Variants in NTRK3 observed in about 807,000 individuals in gnomAD.
NTRK3 encodes the protein neurotrophic receptor tyrosine kinase 3.
NTRK3 carries 24 observed loss-of-function variants against 91.7 expected under a neutral mutation model. That is an observed-to-expected ratio of 0.26 (90% CI 0.19 to 0.37). The LOEUF (loss-of-function observed/expected upper bound fraction) is 0.37. Among genes scored for constraint, NTRK3 ranks in the 10% least tolerant of loss-of-function variants. The probability of loss-of-function intolerance (pLI) is 1.00; values close to 1 mark genes in which losing one functional copy is unlikely to be tolerated. For missense variants in NTRK3, 880 were observed against 1,068.9 expected (o/e 0.82, Z 2.46); for synonymous variants, 483 against 404.0 (o/e 1.20, Z -2.34).
intron 13 of NTRK3, among the ~76,000 whole-genome samples, chr15:88,056,705 G>A (rs1298032483): frequency 6.6e-6 from 1 of 152,248 alleles, no homozygotes; most frequent in Non-Finnish European, 1.5e-5. Flanking sequence ...TCTGAGGCAA[G>A]ATAGCCTGTC....
At chr15:87,866,088 A>G (rs1188491584) in exon 19 of NTRK3, 3 of 229,134 alleles carry the variant, frequency 1.3e-5, no homozygotes, top group Non-Finnish European at 2.6e-5. Flanking sequence ...TTTAGGGCTC[A>G]AATAACCCTC....
At chr15:88,150,577 T>A (rs935780144) in intron 5 of NTRK3, among the ~76,000 whole-genome samples, 2 of 151,824 alleles carry the variant, frequency 1.3e-5, no homozygotes, top group Admixed American at 1.3e-4. Context: ...TTTGGGTGGA[T>A]GGAATGGCTG....
At chr15:88,096,908 A>G (rs2049667687) in intron 13 of NTRK3, among the ~76,000 whole-genome samples, 1 of 152,250 alleles carries the variant, frequency 6.6e-6, no homozygotes, top group Non-Finnish European at 1.5e-5. Context: ...TTACCTGCAC[A>G]TCAAGTCCTT....
At chr15:88,197,224 G>A (rs16941418) in intron 3 of NTRK3, among the ~76,000 whole-genome samples, 1,835 of 151,284 alleles carry the variant, frequency 0.012, 50 homozygotes, top group African/African-American at 0.042. Flanking sequence ...AAGGCTCTGT[G>A]AGGTCTTTTC....
intron 17 of NTRK3, among the ~76,000 whole-genome samples, chr15:87,904,174 C>T (rs550343983): frequency 1.1e-4 from 16 of 140,442 alleles, no homozygotes; most frequent in South Asian, 2.2e-4. Flanking sequence ...TTTTTTGAGA[C>T]GGAGTCTTGC....
At chr15:88,003,884 G>A (rs958652149) in intron 14 of NTRK3, among the ~76,000 whole-genome samples, 2 of 147,544 alleles carry the variant, frequency 1.4e-5, no homozygotes, top group African/African-American at 5.0e-5. Context: ...TAAGATGGAA[G>A]TCTCCATGGT....
At chr15:87,953,450 T>A (rs1282447648) in intron 14 of NTRK3, among the ~76,000 whole-genome samples, 1 of 152,216 alleles carries the variant, frequency 6.6e-6, no homozygotes, top group East Asian at 1.9e-4. Flanking sequence ...GTTTCAATGA[T>A]GTCAATGTTA....
intron 13 of NTRK3, among the ~76,000 whole-genome samples, chr15:88,084,288 G>A (rs1223742670): frequency 3.9e-5 from 6 of 152,030 alleles, no homozygotes; most frequent in Non-Finnish European, 8.8e-5. Context: ...AGACACAGAT[G>A]CTAAAAGCAG....
intron 17 of NTRK3, among the ~76,000 whole-genome samples, chr15:87,921,083 T>G (rs1475748340): frequency 1.3e-5 from 2 of 152,184 alleles, no homozygotes; most frequent in Non-Finnish European, 2.9e-5. Flanking sequence ...CTACACTATT[T>G]TTGCAACTTT....
chr15:88,022,194 C>T (rs572060103), intron 14 of NTRK3, among the ~76,000 whole-genome samples: 1 of 152,238 alleles, frequency 6.6e-6, no homozygotes, highest in Admixed American at 6.5e-5. Context: ...TTCTTAAGCT[C>T]TCTGGCTTCC....
At chr15:88,093,909 G>A (rs939530687) in intron 13 of NTRK3, among the ~76,000 whole-genome samples, 6 of 152,230 alleles carry the variant, frequency 3.9e-5, no homozygotes, top group East Asian at 3.9e-4. Flanking sequence ...TCAACAGCAC[G>A]AGGTGGTATT....
At chr15:87,901,773 G>C (rs1348185510) in intron 17 of NTRK3, among the ~76,000 whole-genome samples, 1 of 151,052 alleles carries the variant, frequency 6.6e-6, no homozygotes, top group Non-Finnish European at 1.5e-5. Context: ...GAGGGGGGGA[G>C]AGGGGGAGAA....
chr15:88,077,058 C>T (rs1306312990), intron 13 of NTRK3, among the ~76,000 whole-genome samples: 1 of 152,114 alleles, frequency 6.6e-6, no homozygotes, highest in Non-Finnish European at 1.5e-5. Context: ...CATGCCACTG[C>T]ACTCCAGCCA....
intron 4 of NTRK3, 82 bp downstream of exon 4, chr15:88,184,143 C>T: frequency 1.4e-6 from 2 of 1,381,074 alleles, no homozygotes; most frequent in South Asian, 1.2e-5. Flanking sequence ...TTGCTGTGCC[C>T]CTCACGCCAC....
At chr15:88,030,540 T>G (rs2078434492) in intron 14 of NTRK3, among the ~76,000 whole-genome samples, 1 of 152,198 alleles carries the variant, frequency 6.6e-6, no homozygotes, top group Admixed American at 6.5e-5. Flanking sequence ...GATCATATTC[T>G]GCACCAGGAA....
chr15:88,228,379 C>T (rs551202313), intron 3 of NTRK3, among the ~76,000 whole-genome samples: 1 of 152,038 alleles, frequency 6.6e-6, no homozygotes, highest in East Asian at 1.9e-4. Flanking sequence ...CAATCCATGG[C>T]TGGCTGTTAT....
chr15:88,160,373 A>C (rs2044335030), intron 5 of NTRK3, among the ~76,000 whole-genome samples: 1 of 152,148 alleles, frequency 6.6e-6, no homozygotes, highest in South Asian at 2.1e-4. Context: ...ATGAGCTAAG[A>C]AGCAGAGACC....
At position 88,175,562 on chromosome 15, in the gene NTRK3, A is replaced by C. The variant is rs1002965889; in HGVS notation, c.395+7856T>G. Among the ~76,000 whole-genome samples, 12 of 152,216 alleles carry C rather than the reference A, an allele frequency of 7.9e-5. 1 individual carries two copies. Among genetic ancestry groups the C allele is most frequent in the Non-Finnish European group, 1.5e-4 (10 of 68,036 alleles). On this transcript the variant is annotated intron_variant, in intron 5 of 18. Coordinates refer to ENST00000394480, the Ensembl canonical transcript of NTRK3. ...ATCAATTTTAGAATCAAATTGATCC[A>C]TTTTAGAATATCAATTTTAGATGAT...
At chr15:88,190,330 A>T (rs904069619) in intron 3 of NTRK3, among the ~76,000 whole-genome samples, 1 of 152,154 alleles carries the variant, frequency 6.6e-6, no homozygotes, top group East Asian at 1.9e-4. Context: ...CCTAAAATGC[A>T]TTACACACAT....
Sources: allele counts gnomAD v4.1 joint callset (sites outside exome capture counted in the v4.1 genomes callset), GRCh38; gene constraint gnomAD v4.1.1; transcripts MANE v1.5; gene names NCBI Gene and HGNC (gene_info 2026-07-23, HGNC 2026-07-21).